GPC5: variants seen among roughly 807,000 people sequenced by gnomAD.
The protein encoded by GPC5 is glypican 5.
A neutral mutation model predicts 53.9 loss-of-function variants in GPC5; 47 were observed. The observed-to-expected ratio is 0.87, with a 90% CI of 0.69 to 1.11. The LOEUF (loss-of-function observed/expected upper bound fraction) is 1.11, where lower values mean the gene tolerates loss of function less well. GPC5 is among the 50% of genes most tolerant of loss of function. The pLI is 0.00. For synonymous variants in GPC5, 286 were observed against 263.3 expected, an observed-to-expected ratio of 1.09 and a Z score of -0.84; for missense variants, 748 against 713.1, an observed-to-expected ratio of 1.05 and a Z score of -0.56.
chr13:92,744,388 G>A (rs766678467), intron 7 of GPC5, among the ~76,000 whole-genome samples: 6 of 151,886 alleles, frequency 4.0e-5, no homozygotes, highest in Non-Finnish European at 8.8e-5. Flanking sequence ...ACTGGTATAA[G>A]AGCGATTTGG....
intron 7 of GPC5, among the ~76,000 whole-genome samples, chr13:92,577,475 T>C (rs1883226076): frequency 6.7e-6 from 1 of 150,034 alleles, no homozygotes; most frequent in Admixed American, 6.7e-5. Context: ...AGTCTGGTAT[T>C]ATTAGCCTTG....
At chr13:92,839,344 T>C (rs992157215) in intron 7 of GPC5, among the ~76,000 whole-genome samples, 9 of 152,328 alleles carry the variant, frequency 5.9e-5, no homozygotes, top group African/African-American at 2.2e-4. Context: ...TACAGGTTTG[T>C]TACATAGGTA....
At chr13:92,699,423 C>G (rs1165008771) in intron 7 of GPC5, among the ~76,000 whole-genome samples, 1 of 151,876 alleles carries the variant, frequency 6.6e-6, no homozygotes, top group Non-Finnish European at 1.5e-5. Flanking sequence ...GTGTCTCTCT[C>G]TCTTTCAGTT....
chr13:91,792,455 C>A (rs535973), intron 5 of GPC5, among the ~76,000 whole-genome samples: 54,757 of 152,058 alleles, frequency 0.36, 11,167 homozygotes, highest in African/African-American at 0.56. Flanking sequence ...TGGGATTACA[C>A]TGTACAAATT....
Position 92,526,385 on chromosome 13 carries a change from T to A in GPC5, c.1562-339897T>A, listed in dbSNP as rs145702196. ...CTCACTAACTCCATAGATAGTGTCA[T>A]GACCCCCAACTCCAAAAGGAATTTT... On this transcript the variant is annotated intron_variant, in intron 7 of 7. Transcript: ENST00000377067. Among the ~76,000 whole-genome samples the A allele has an allele frequency of 4.8e-3, 725 of 152,220 alleles. 5 individuals carry two copies. The highest frequency in any genetic ancestry group is 8.3e-3 in the Non-Finnish European group (565 of 67,976).
chr13:92,228,163 CGAA>C (rs1021763353), intron 7 of GPC5, among the ~76,000 whole-genome samples: 2 of 148,158 alleles, frequency 1.3e-5, no homozygotes, highest in African/African-American at 2.5e-5. Context: ...AGATGGAAGG[CGAA>C]GAAGGAGAGG....
intron 7 of GPC5, among the ~76,000 whole-genome samples, chr13:92,607,272 C>A (rs115143970): frequency 1.3e-5 from 2 of 152,250 alleles, no homozygotes; most frequent in African/African-American, 4.8e-5. Flanking sequence ...TACTCTTCCC[C>A]AAGACCAGCT....
chr13:91,603,275 G>A (rs1167227770), intron 2 of GPC5, among the ~76,000 whole-genome samples: 1 of 152,236 alleles, frequency 6.6e-6, no homozygotes, highest in Non-Finnish European at 1.5e-5. Context: ...CGTAAATGAT[G>A]TAGTGTCCTT....
At chr13:92,285,763 T>C (rs541546846) in intron 7 of GPC5, among the ~76,000 whole-genome samples, 3 of 152,272 alleles carry the variant, frequency 2.0e-5, no homozygotes, top group South Asian at 4.1e-4. Flanking sequence ...AAGACTTAAA[T>C]GTTAGACCTA....
intron 4 of GPC5, among the ~76,000 whole-genome samples, chr13:91,737,580 C>T (rs2036842703): frequency 2.0e-5 from 3 of 151,186 alleles, no homozygotes; most frequent in Admixed American, 2.0e-4. Context: ...TCTATGTTTG[C>T]CAAAAATTAA....
chr13:92,793,464 A>C (rs1594511372), intron 7 of GPC5, among the ~76,000 whole-genome samples: 1 of 152,260 alleles, frequency 6.6e-6, no homozygotes, highest in Middle Eastern at 3.4e-3. Flanking sequence ...CTAACATCAC[A>C]ATTAAAAGAA....
chr13:91,649,904 T>C (rs1166991960), intron 2 of GPC5, among the ~76,000 whole-genome samples: 1 of 152,202 alleles, frequency 6.6e-6, no homozygotes, highest in East Asian at 1.9e-4. Context: ...TTCAAATTTA[T>C]AAAATACATA....
rs368450803 is a variant in GPC5 at position 91,448,763 on chromosome 13, C to T, written c.166C>T (p.Pro56Ser). 2 of 1,611,710 alleles carry T rather than the reference C, an allele frequency of 1.2e-6. No homozygotes were observed. The highest frequency in any genetic ancestry group is 2.7e-5 in the African/African-American group (2 of 74,706). Residue 56 changes from proline (P) to serine (S), a missense_variant and splice_region_variant, in exon 2 of 8, where the codon CCT becomes TCT. By Grantham distance (74) the Pro-to-Ser change is moderately conservative (BLOSUM62 -1). Transcript: ENST00000377067. Reference sequence around the variant, plus strand: ...CTGAAAAATGTTGTGTGTTCCAGGACCTGATCTTCAGGTTTGCATATCCAA... The same window carrying T: ...CTGAAAAATGTTGTGTGTTCCAGGATCTGATCTTCAGGTTTGCATATCCAA... Reference protein sequence around the residue: ...RGLPDSPRAGPDLQVCISKKP... With the variant: ...RGLPDSPRAGSDLQVCISKKP...
chr13:91,963,233 T>G (rs2040143158), intron 6 of GPC5, among the ~76,000 whole-genome samples: 1 of 152,184 alleles, frequency 6.6e-6, no homozygotes, highest in Non-Finnish European at 1.5e-5. Context: ...ATAGGAATCC[T>G]AATTCCCTGC....
At chr13:91,661,000 GA>G (rs1393104543) in intron 2 of GPC5, among the ~76,000 whole-genome samples, 2 of 152,060 alleles carry the variant, frequency 1.3e-5, no homozygotes, top group African/African-American at 4.8e-5. Context: ...ATTCTTTTGA[GA>G]AAAAAATATA....
chr13:92,170,782 G>T (rs941247581), intron 7 of GPC5, among the ~76,000 whole-genome samples: 1 of 152,032 alleles, frequency 6.6e-6, no homozygotes, highest in African/African-American at 2.4e-5. Context: ...AACTTCGCAT[G>T]TTCACAGTTT....
At chr13:92,807,508 C>T (rs1321568050) in intron 7 of GPC5, among the ~76,000 whole-genome samples, 1 of 151,970 alleles carries the variant, frequency 6.6e-6, no homozygotes, top group East Asian at 1.9e-4. Context: ...AGATTCCTTG[C>T]ATTATTCTTC....
chr13:92,249,130 G>A (rs1229393880), intron 7 of GPC5, among the ~76,000 whole-genome samples: 1 of 152,026 alleles, frequency 6.6e-6, no homozygotes, highest in African/African-American at 2.4e-5. Flanking sequence ...GGGGTAAATT[G>A]GGCAAGCATC....
At chr13:92,260,423 T>A (rs1325450732) in intron 7 of GPC5, among the ~76,000 whole-genome samples, 1 of 152,204 alleles carries the variant, frequency 6.6e-6, no homozygotes, top group African/African-American at 2.4e-5. Context: ...CCCGTTGGAA[T>A]ATGAAAGTAC....
Sources: allele counts gnomAD v4.1 joint callset (sites outside exome capture counted in the v4.1 genomes callset), GRCh38; gene constraint gnomAD v4.1.1; transcripts MANE v1.5; gene names NCBI Gene and HGNC (gene_info 2026-07-23, HGNC 2026-07-21).